Variants in MCUR1 observed in about 807,000 individuals in gnomAD.
The protein encoded by MCUR1 is MCU regulator 1.
MCUR1 carries 37 observed loss-of-function variants against 42.0 expected under a neutral mutation model. That is an observed-to-expected ratio of 0.88 (90% CI 0.68 to 1.16). The LOEUF (loss-of-function observed/expected upper bound fraction) is 1.16, where lower values mean the gene tolerates loss of function less well. Ranked by LOEUF, MCUR1 falls within the 50% of genes most tolerant of loss-of-function variation. The pLI, the probability that MCUR1 is intolerant of heterozygous loss-of-function variation, is 0.00. For missense variants in MCUR1, 469 were observed against 468.4 expected (o/e 1.00, Z -0.01); for synonymous variants, 229 against 196.2 (o/e 1.17, Z -1.40).
rs867156465 is a variant in MCUR1, at chr6:13,802,261, C to A, written c.621G>T (p.Met207Ile). ...GGCTAACCTGCTGCATCTTGGTGACCATATCTTTGTAGACGATGTCCATGT... is the reference window on the plus strand; with the variant it reads ...GGCTAACCTGCTGCATCTTGGTGACAATATCTTTGTAGACGATGTCCATGT... ...EANMDIVYKD[M>I]VTKMQQEITF... is the part of the protein sequence containing the mutation. Residue 207 changes from methionine to isoleucine, a missense_variant, in exon 3 of 9, where the codon ATG becomes ATT. By Grantham distance (10) the Met-to-Ile change is conservative. Transcript: ENST00000379170. 4.6e-5 allele frequency: 75 copies of A among 1,613,638 alleles called. 1 individual carries two copies. In the Middle Eastern group the frequency reaches 7.1e-3, roughly 152 times the overall value.
chr6:13,791,324 C>T (rs1759725128), intron 8 of MCUR1, among the ~76,000 whole-genome samples: 1 of 152,108 alleles, frequency 6.6e-6, no homozygotes, highest in Non-Finnish European at 1.5e-5. Context: ...ACTATAGAGA[C>T]AGGAAGACAC....
chr6:13,802,387 A>G (rs1465714436), intron 2 of MCUR1, 41 bp from the exon 3 acceptor site: 2 of 1,479,392 alleles, frequency 1.4e-6, no homozygotes, highest in Admixed American at 1.7e-5. Flanking sequence ...GCTCAGAGTT[A>G]CAAAAGCCCA....
At chr6:13,800,620 T>C (rs1759969864) in intron 4 of MCUR1, among the ~76,000 whole-genome samples, 1 of 152,230 alleles carries the variant, frequency 6.6e-6, no homozygotes, top group South Asian at 2.1e-4. Context: ...TCAGTGACCC[T>C]GCTTTATTTA....
At chr6:13,806,854 T>C (rs1285052050) in intron 2 of MCUR1, 71 bp downstream of exon 2, 1 of 1,446,394 alleles carries the variant, frequency 6.9e-7, no homozygotes, top group South Asian at 1.4e-5. Flanking sequence ...AGAAATTAAA[T>C]GAAACCATAA....
Position 13,807,022 on chromosome 6 carries a change from G to A in MCUR1, c.438C>T (p.Ser146=). Residue 146 remains serine, a synonymous_variant, in exon 2 of 9, where the codon TCC becomes TCT. Coordinates refer to ENST00000379170, the MANE Select transcript of MCUR1 (RefSeq NM_001031713.4). The part of the protein sequence containing the change: ...CRRELSLSAG[S]LQLERKRRDF... ...CTCTCCTTTTGCGCTCCAGCTGCAGGGATCCAGCAGACAAGCTTAGCTCTA... is the reference window on the plus strand; with the variant it reads ...CTCTCCTTTTGCGCTCCAGCTGCAGAGATCCAGCAGACAAGCTTAGCTCTA... 2 of 1,612,356 alleles carry A rather than the reference G, an allele frequency of 1.2e-6. No homozygotes were observed. Among genetic ancestry groups the A allele is most frequent in the Non-Finnish European group, 1.7e-6 (2 of 1,178,910 alleles).
chr6:13,791,820 T>A (rs1200736136), intron 8 of MCUR1, 58 bp downstream of exon 8: 2 of 1,207,034 alleles, frequency 1.7e-6, no homozygotes, highest in Non-Finnish European at 2.4e-6. Flanking sequence ...TGTCAACGAC[T>A]TATTTTATAA....
intron 2 of MCUR1, among the ~76,000 whole-genome samples, chr6:13,805,212 G>C (rs1010266486): frequency 6.8e-5 from 10 of 147,840 alleles, no homozygotes; most frequent in Non-Finnish European, 1.2e-4. Context: ...GACTGGTCTT[G>C]AACTCCTGGG....
chr6:13,801,094 G>A (rs1281959929), intron 4 of MCUR1, among the ~76,000 whole-genome samples, 194 bp downstream of exon 4: 1 of 152,172 alleles, frequency 6.6e-6, no homozygotes, highest in Non-Finnish European at 1.5e-5. Flanking sequence ...TTTCCTCTGG[G>A]GCAGGAGCAA....
rs1029602545 is a variant in MCUR1, at chr6:13,790,761, G to C, written c.*48C>G. 4.7e-5 allele frequency: 69 copies of C among 1,477,672 alleles called. No individual in the cohort carries two copies. Among genetic ancestry groups the C allele is most frequent in the Non-Finnish European group, 6.3e-5 (67 of 1,064,524 alleles). 91.5% of individuals were successfully genotyped at this position (1,477,672 alleles called of 1,614,324 possible). A position where few individuals can be genotyped will look rare whatever the true frequency, so the allele number is the denominator to read the frequency against. ...AGCCACCGCACCCAGCCAACAATCT[G>C]GTATTCTTAAGGCAAAACAGTAGAA... On this transcript the variant is annotated 3_prime_UTR_variant, in exon 9 of 9. Coordinates refer to ENST00000379170, the MANE Select transcript of MCUR1 (RefSeq NM_001031713.4).
Position 13,807,024 on chromosome 6 carries a change from A to T in MCUR1, c.436T>A (p.Ser146Thr). Residue 146 changes from serine (S) to threonine (T), a missense_variant, in exon 2 of 9, where the codon TCC becomes ACC. By Grantham distance (58) the Ser-to-Thr change is moderately conservative (BLOSUM62 1). Transcript: ENST00000379170. ...CTCCTTTTGCGCTCCAGCTGCAGGG[A>T]TCCAGCAGACAAGCTTAGCTCTAGG... Reference protein sequence around the residue: ...CRRELSLSAGSLQLERKRRDF... With the variant: ...CRRELSLSAGTLQLERKRRDF... 2 of 1,612,738 alleles carry T rather than the reference A, an allele frequency of 1.2e-6. No homozygotes were observed. The highest frequency in any genetic ancestry group is 1.7e-6 in the Non-Finnish European group (2 of 1,179,108).
chr6:13,814,422 CA>C lies in MCUR1; in HGVS notation c.7del (p.Cys3AlafsTer72). The C allele has an allele frequency of 6.5e-7, 1 of 1,537,276 alleles. No individual in the cohort carries two copies. The highest frequency in any genetic ancestry group is 8.7e-7 in the Non-Finnish European group (1 of 1,152,620). MD[C>X]GSVGGQRTQR... ...GGTCCTCTGGCCGCCGACCGAGCCG[CA>C]GTCCATCCCCGAGCAGTTCACTGGC... On this transcript the variant is annotated frameshift_variant, in exon 1 of 9. Transcript: ENST00000379170. LOFTEE classifies it high-confidence loss of function.
chr6:13,813,405 GTATA>G (rs1760280960), intron 1 of MCUR1, among the ~76,000 whole-genome samples: 1 of 151,846 alleles, frequency 6.6e-6, no homozygotes, highest in Non-Finnish European at 1.5e-5. Context: ...AAAATTATTT[GTATA>G]TATAAATTAT....
intron 6 of MCUR1, 75 bp downstream of exon 6, chr6:13,798,758 T>C: frequency 8.9e-7 from 1 of 1,121,912 alleles, no homozygotes; most frequent in Non-Finnish European, 1.3e-6. Context: ...GACATGTACA[T>C]AAACTTAGGC....
intron 6 of MCUR1, among the ~76,000 whole-genome samples, chr6:13,796,285 T>C (rs908637673): frequency 7.0e-6 from 1 of 143,180 alleles, no homozygotes; most frequent in Non-Finnish European, 1.5e-5. Context: ...TCATTTTTTT[T>C]CTTTTCTTTT....
At chr6:13,801,504 G>C in intron 3 of MCUR1, 115 bp from the exon 4 acceptor site, 1 of 660,744 alleles carries the variant, frequency 1.5e-6, no homozygotes, top group Non-Finnish European at 2.6e-6. Flanking sequence ...CACAAAAAGA[G>C]GTTCAGTAGG....
rs2113487261 is a variant in MCUR1, at chr6:13,814,137, C to T, written c.293G>A (p.Gly98Glu). 3.1e-6 allele frequency: 4 copies of T among 1,306,024 alleles called. No homozygotes were observed. The highest frequency in any genetic ancestry group is 3.9e-6 in the Non-Finnish European group (4 of 1,033,242). The allele number at this position is 1,306,024 out of a possible 1,614,324, so 80.9% of individuals were successfully genotyped here. Residue 98 changes from glycine (G) to glutamate (E), a missense_variant, in exon 1 of 9, where the codon GGG (glycine) becomes GAG (glutamate). Transcript: ENST00000379170. ...QLGDWERSRL[G>E]YAAPPAGRSS... ...GCGCCCGGCCGGGGGTGCGGCATACCCGAGGCGCGAGCGCTCCCAGTCCCC... is the reference window on the plus strand; with the variant it reads ...GCGCCCGGCCGGGGGTGCGGCATACTCGAGGCGCGAGCGCTCCCAGTCCCC...
chr6:13,799,827 C>CTTTTTTTTTTTTTTTTTTTTTTTTTT (rs542304036), intron 5 of MCUR1, among the ~76,000 whole-genome samples: 2 of 96,214 alleles, frequency 2.1e-5, no homozygotes, highest in African/African-American at 3.7e-5. Context: ...ACACAATTTT[C>CTTTTTTTTTTTTTTTTTTTTTTTTTT]TTTTTTTTTT....
chr6:13,798,542 A>G (rs1759907957), intron 6 of MCUR1, among the ~76,000 whole-genome samples: 1 of 152,202 alleles, frequency 6.6e-6, no homozygotes, highest in South Asian at 2.1e-4. Context: ...TAAATAGATC[A>G]AGATTGCATT....
In MCUR1 at chr6:13,791,899, C is replaced by G. The variant is rs780822428; in HGVS notation, c.1003G>C (p.Asp335His). Reference protein sequence around the residue: ...LKTMLESHKLDNIKYLAGSIF... With the variant: ...LKTMLESHKLHNIKYLAGSIF... Reference sequence around the variant, plus strand: ...TTACCTGCTAAATATTTAATATTATCAAGCTTGTGTGACTCAAGCATGGTT... The same window carrying G: ...TTACCTGCTAAATATTTAATATTATGAAGCTTGTGTGACTCAAGCATGGTT... The change falls in exon 8 of 9, where the codon GAT (aspartate) becomes CAT (histidine). Residue 335 changes from aspartate (D) to histidine (H), a missense_variant. Physicochemically the swap from Asp to His is moderately conservative, Grantham distance 81 (BLOSUM62 -1). Coordinates refer to ENST00000379170, the MANE Select transcript of MCUR1 (RefSeq NM_001031713.4). 2.5e-6 allele frequency: 4 copies of G among 1,613,146 alleles called. No individual in the cohort carries two copies. Among genetic ancestry groups the G allele is most frequent in the Middle Eastern group, 1.7e-4 (1 of 6,058 alleles).
Sources: gnomAD v4.1 joint callset for allele counts (sites outside exome capture counted in the v4.1 genomes callset) on GRCh38, gnomAD v4.1.1 for gene constraint, MANE v1.5 for transcripts, NCBI Gene and HGNC (gene_info 2026-07-23, HGNC 2026-07-21) for gene names.